Variants in ZNF782 observed in about 807,000 individuals in gnomAD.
The protein encoded by ZNF782 is zinc finger protein 782.
In ZNF782, 12 loss-of-function variants were observed where a neutral mutation model predicts 13.0. The ratio of observed to expected loss-of-function variants is 0.92; its 90% CI spans 0.59 to 1.50. The LOEUF (loss-of-function observed/expected upper bound fraction) is 1.50. ZNF782 is among the 40% of genes most tolerant of loss of function. ZNF782 has a pLI of 0.00. For synonymous variants in ZNF782, 284 were observed against 283.0 expected, an observed-to-expected ratio of 1.00 and a Z score of -0.04; for missense variants, 770 against 822.9, an observed-to-expected ratio of 0.94 and a Z score of 0.79.
At chr9:96,826,790 A>G (rs975999198) in intron 5 of ZNF782, among the ~76,000 whole-genome samples, 3 of 152,172 alleles carry the variant, frequency 2.0e-5, no homozygotes, top group South Asian at 2.1e-4. Context: ...GGGTGTCTAC[A>G]TGATTAGCCC....
upstream of ZNF782, among the ~76,000 whole-genome samples, chr9:96,880,559 TCTTTA>T (rs1245632824): frequency 1.3e-5 from 2 of 152,262 alleles, no homozygotes; most frequent in African/African-American, 4.8e-5. Flanking sequence ...TTTTATTTTT[TCTTTA>T]GTCTGTCAAA....
chr9:96,878,224 A>G (rs1265968923), upstream of ZNF782, among the ~76,000 whole-genome samples: 2 of 152,052 alleles, frequency 1.3e-5, no homozygotes, highest in African/African-American at 2.4e-5. Context: ...AATTGTTTGT[A>G]TTTTTAGTAG....
At chr9:96,847,360 C>T (rs1419103750) in intron 3 of ZNF782, among the ~76,000 whole-genome samples, 1 of 151,682 alleles carries the variant, frequency 6.6e-6, no homozygotes, top group East Asian at 1.9e-4. Context: ...CAAAAAAACC[C>T]CAAAATATCA....
At position 96,850,473 on chromosome 9, in the gene ZNF782, T is replaced by C. The variant is rs1433804807; in HGVS notation, c.15+1474A>G. On this transcript the variant is annotated intron_variant, in intron 3 of 5. Transcript: ENST00000481138. This position sits in a 1 kb window ranked among gnomAD's most constrained non-coding sequence, Gnocchi z 4.3. ...GTATGCAAAGGCATACAGAGTGACA[T>C]AATGGACTTTAGAGACCAAGAAGGG... Among the ~76,000 whole-genome samples the C allele has an allele frequency of 2.0e-5, 3 of 152,060 alleles. No homozygotes were observed. Among genetic ancestry groups the C allele is most frequent in the Non-Finnish European group, 2.9e-5 (2 of 68,010 alleles).
chr9:96,856,615 C>T (rs1197240542), upstream of ZNF782, among the ~76,000 whole-genome samples: 1 of 152,260 alleles, frequency 6.6e-6, no homozygotes, highest in Non-Finnish European at 1.5e-5. Flanking sequence ...GAGGATCAGG[C>T]TGCCTTCAGC....
At chr9:96,875,337 T>TTGGC in intron 1 of ZNF782, 2 of 384,330 alleles carry the variant, frequency 5.2e-6, no homozygotes, top group Non-Finnish European at 1.0e-5. Context: ...GTAACTGCAC[T>TTGGC]TGGCTGTTTG....
At chr9:96,837,476 A>T (rs1851037182) in intron 4 of ZNF782, among the ~76,000 whole-genome samples, 1 of 152,070 alleles carries the variant, frequency 6.6e-6, no homozygotes, top group South Asian at 2.1e-4. Flanking sequence ...TTGGTTTTTT[A>T]AAAAAGAACT....
intron 4 of ZNF782, among the ~76,000 whole-genome samples, 195 bp from the exon 5 acceptor site, chr9:96,827,376 C>G (rs1010817649): frequency 6.6e-6 from 1 of 151,992 alleles, no homozygotes; most frequent in Non-Finnish European, 1.5e-5. Flanking sequence ...GTCACTCAGG[C>G]TGAAGTGCAG....
At chr9:96,896,695 A>G in the ZNF782 span, among the ~76,000 whole-genome samples, 1 of 152,200 alleles carries the variant, frequency 6.6e-6, no homozygotes, top group African/African-American at 2.4e-5. Context: ...TGACCCAAAA[A>G]GCTGCTAGTT....
the ZNF782 span, among the ~76,000 whole-genome samples, chr9:96,887,146 T>C: frequency 1.3e-5 from 2 of 151,138 alleles, no homozygotes; most frequent in Non-Finnish European, 2.9e-5. Context: ...AAACCCCGTC[T>C]TTACTAAAAA....
the ZNF782 span, among the ~76,000 whole-genome samples, chr9:96,886,208 G>GAAAAAA: frequency 4.5e-5 from 4 of 88,424 alleles, no homozygotes; most frequent in Non-Finnish European, 5.5e-5. Context: ...TTTAAGTACA[G>GAAAAAA]AAAAAAAAAA....
At chr9:96,835,440 C>T (rs977505958) in intron 4 of ZNF782, among the ~76,000 whole-genome samples, 3 of 152,154 alleles carry the variant, frequency 2.0e-5, no homozygotes, top group Non-Finnish European at 4.4e-5. Context: ...GAAAAAGACC[C>T]TGAAGTCATT....
At chr9:96,858,698 T>TTTTGTTTGTTTG (rs148625390), upstream of ZNF782, among the ~76,000 whole-genome samples, 1 of 151,766 alleles carries the variant, frequency 6.6e-6, no homozygotes, top group African/African-American at 2.4e-5. The surrounding 1 kb of genome is among the most constrained non-coding windows in gnomAD (Gnocchi z 4.4). Context: ...TGGCGCGAGG[T>TTTTGTTTGTTTG]TTTGTTTGTT....
the ZNF782 span, among the ~76,000 whole-genome samples, chr9:96,920,092 CCAA>C: frequency 6.7e-6 from 1 of 150,220 alleles, no homozygotes; most frequent in Non-Finnish European, 1.5e-5. Context: ...CAGTAATATG[CCAA>C]CAACCTGATG....
At chr9:96,886,375 T>A in the ZNF782 span, among the ~76,000 whole-genome samples, 5 of 152,212 alleles carry the variant, frequency 3.3e-5, no homozygotes, top group Admixed American at 1.3e-4. Context: ...CAACCTCTCA[T>A]GAGTTTCTTA....
chr9:96,820,418 CAT>C lies in ZNF782; in HGVS notation c.245-642_245-641del, dbSNP rs1039072176. 3.9e-5 allele frequency among the ~76,000 whole-genome samples: 6 copies of C among 152,206 alleles called. No homozygotes were observed. The East Asian group carries it at 1.2e-3, about 29-fold the overall frequency. ...TCTGCATTATCATCAAAGGAACACACATGTGTAAGTGGAAATGTAAAATTGAT... is the reference window on the plus strand; with the variant it reads ...TCTGCATTATCATCAAAGGAACACACGTGTAAGTGGAAATGTAAAATTGAT... On this transcript the variant is annotated intron_variant, in intron 5 of 5. Transcript: ENST00000481138.
At chr9:96,919,865 T>C in the ZNF782 span, among the ~76,000 whole-genome samples, 8 of 151,264 alleles carry the variant, frequency 5.3e-5, no homozygotes, top group African/African-American at 1.9e-4. Context: ...CAGCCTCAAA[T>C]GAGTAACTTT....
chr9:96,847,260 T>C (rs1467449060), intron 3 of ZNF782, among the ~76,000 whole-genome samples: 2 of 152,084 alleles, frequency 1.3e-5, no homozygotes, highest in East Asian at 3.9e-4. Flanking sequence ...CCTATTGCCA[T>C]ACCTCAAGGC....
the ZNF782 span, among the ~76,000 whole-genome samples, chr9:96,881,622 T>C: frequency 2.0e-5 from 3 of 152,230 alleles, no homozygotes; most frequent in East Asian, 5.8e-4. Context: ...TGAACTTTTT[T>C]TCCTCTACAA....
Sources: gnomAD v4.1 joint callset for allele counts (sites outside exome capture counted in the v4.1 genomes callset) on GRCh38, gnomAD v4.1.1 for gene constraint, Gnocchi (gnomAD v3.1) non-coding constraint, MANE v1.5 for transcripts, NCBI Gene and HGNC (gene_info 2026-07-23, HGNC 2026-07-21) for gene names.